Variants in CHRND observed in about 807,000 individuals in gnomAD.
CHRND encodes acetylcholine receptor subunit delta.
CHRND carries 40 observed loss-of-function variants against 57.8 expected under a neutral mutation model. The observed-to-expected ratio is 0.69, with a 90% CI of 0.54 to 0.90. The LOEUF is 0.90. Among genes scored for constraint, CHRND ranks in the 40% least tolerant of loss-of-function variants. The pLI is 0.00. For synonymous variants in CHRND, 237 were observed against 270.6 expected (o/e 0.88, Z 1.22); for missense variants, 634 against 673.9 (o/e 0.94, Z 0.66).
At chr2:232,535,090 G>T (rs546759059) in intron 11 of CHRND, 40 bp from the exon 12 acceptor site, 3 of 1,610,924 alleles carry the variant, frequency 1.9e-6, no homozygotes, top group African/African-American at 2.7e-5. Context: ...TTTGTGGCCT[G>T]AGGCCCTTCT....
chr2:232,530,488 C>G (rs1425442778), intron 7 of CHRND, among the ~76,000 whole-genome samples: 1 of 152,234 alleles, frequency 6.6e-6, no homozygotes, highest in East Asian at 1.9e-4. Context: ...ACTGTTGAAC[C>G]AGTGGGTGAA....
chr2:232,526,373 T>C (rs1691464698), intron 1 of CHRND, 106 bp downstream of exon 1: 1 of 1,515,946 alleles, frequency 6.6e-7, no homozygotes, highest in Non-Finnish European at 9.0e-7. Context: ...CATCTCTCCC[T>C]GTGGGGGGCC....
chr2:232,526,703 AG>A (rs1691484749), intron 2 of CHRND, 29 bp downstream of exon 2: 1 of 1,541,386 alleles, frequency 6.5e-7, no homozygotes, highest in African/African-American at 1.4e-5. Flanking sequence ...CTGGGTTGGG[AG>A]GGAGGGCAGG....
Position 232,535,461 on chromosome 2 carries a change from A to G in CHRND, c.*149A>G, listed in dbSNP as rs114315112. On this transcript the variant is annotated 3_prime_UTR_variant, in exon 12 of 12. Transcript: ENST00000258385. ...GGGAGCAGCCACTCCTCAATGCTCA[A>G]TGGCTCCCCTGAAATCAAGACAGGG... 0.016 allele frequency: 15,342 copies of G among 957,258 alleles called. 173 individuals are homozygous for G. The highest frequency in any genetic ancestry group is 0.02 in the Non-Finnish European group (12,557 of 618,870). 59.3% of individuals were successfully genotyped at this position (957,258 alleles called of 1,614,324 possible).
intron 5 of CHRND, 59 bp downstream of exon 5, chr2:232,528,715 G>A (rs536676297): frequency 1.2e-6 from 2 of 1,611,820 alleles, no homozygotes; most frequent in Non-Finnish European, 8.5e-7. Flanking sequence ...GGCCAAAGAA[G>A]GTGACTGAAG....
rs2106208570 is a variant in CHRND, at chr2:232,528,551, A to G, written c.404A>G (p.His135Arg). The change falls in exon 5 of 12, where the codon CAC (histidine) becomes CGC (arginine). Residue 135 changes from histidine (H) to arginine (R), a missense_variant. Physicochemically the swap from His to Arg is conservative, Grantham distance 29. Transcript: ENST00000258385. ...TACTCCTGCAACGTGCTTGTCTACC[A>G]CTACGGCTTCGTGTACTGGCTGCCA... ...ISYSCNVLVY[H>R]YGFVYWLPPA... is the part of the protein sequence containing the mutation. 6.2e-7 allele frequency: 1 copy of G among 1,613,930 alleles called. No individual in the cohort carries two copies. The highest frequency in any genetic ancestry group is 8.5e-7 in the Non-Finnish European group (1 of 1,179,984).
Position 232,534,204 on chromosome 2 carries a change from C to G in CHRND, c.1253-20C>G. On this transcript the variant is annotated intron_variant, in intron 10 of 11. Coordinates refer to ENST00000258385, the MANE Select transcript of CHRND (RefSeq NM_000751.3). Reference sequence around the variant, plus strand: ...TGGGTGGAGGCAGGCCTCACACCCACTCTGGCCCCTCGTCTGTAGGCCGGC... The same window carrying G: ...TGGGTGGAGGCAGGCCTCACACCCAGTCTGGCCCCTCGTCTGTAGGCCGGC... 1 of 1,614,140 alleles carries G rather than the reference C, an allele frequency of 6.2e-7. No homozygotes were observed. Among genetic ancestry groups the G allele is most frequent in the Middle Eastern group, 1.7e-4 (1 of 6,054 alleles).
intron 3 of CHRND, among the ~76,000 whole-genome samples, 163 bp downstream of exon 3, chr2:232,527,608 G>T (rs923715260): frequency 2.0e-5 from 3 of 152,142 alleles, no homozygotes; most frequent in African/African-American, 7.2e-5. Context: ...GCTTGGTGTG[G>T]TGGTGGGTAC....
Position 232,526,639 on chromosome 2 carries a change from G to A in CHRND, c.163G>A (p.Ala55Thr). 1 of 1,613,660 alleles carries A rather than the reference G, an allele frequency of 6.2e-7. No homozygotes were observed. Among genetic ancestry groups the A allele is most frequent in the Admixed American group, 1.7e-5 (1 of 60,018 alleles). Residue 55 changes from alanine to threonine, a missense_variant, in exon 2 of 12, where the codon GCC becomes ACC. Transcript: ENST00000258385. ...ACACAAAGAGGAGAGTGTGGACGTT[G>A]CCCTGGCCCTCACACTCTCCAACCT... ...VAHKEESVDV[A>T]LALTLSNLIS...
intron 2 of CHRND, 89 bp from the exon 3 acceptor site, chr2:232,527,312 G>A (rs4973538): frequency 0.055 from 23,386 of 428,850 alleles, 260 homozygotes; most frequent in East Asian, 0.19. Context: ...GAAAAAAAAA[G>A]AGAGAGAGAG....
chr2:232,534,917 G>A (rs926332631), intron 11 of CHRND, among the ~76,000 whole-genome samples: 7 of 152,228 alleles, frequency 4.6e-5, no homozygotes, highest in Admixed American at 2.6e-4. Context: ...GCTATGGTCT[G>A]TTCCCGCCTC....
chr2:232,532,633 G>GT (rs1691748552), intron 9 of CHRND, among the ~76,000 whole-genome samples: 1 of 152,224 alleles, frequency 6.6e-6, no homozygotes, highest in African/African-American at 2.4e-5. Context: ...TCCTGGCACA[G>GT]TGTTCCGTGA....
chr2:232,534,385 G>A, intron 11 of CHRND, 43 bp downstream of exon 11: 1 of 1,571,790 alleles, frequency 6.4e-7, no homozygotes, highest in African/African-American at 1.3e-5. Context: ...TTCAAGTAGG[G>A]CACTGATTAA....
Position 232,535,542 on chromosome 2 carries a change from T to C in CHRND, c.*230T>C. 1 of 699,026 alleles carries C rather than the reference T, an allele frequency of 1.4e-6. No individual in the cohort carries two copies. The highest frequency in any genetic ancestry group is 1.5e-5 in the South Asian group (1 of 66,810). The allele number at this position is 699,026 out of a possible 1,614,324, so 43.3% of individuals were successfully genotyped here. On this transcript the variant is annotated 3_prime_UTR_variant, in exon 12 of 12. Transcript: ENST00000258385. ...GGCTACAGTGGGTGGGCAGGACGAT[T>C]TGGGGGGAGGCCCGAGGCTGGCTCA...
chr2:232,535,457 C>A lies in CHRND; in HGVS notation c.*145C>A. The A allele has an allele frequency of 1.0e-6, 1 of 974,030 alleles. No homozygotes were observed. Among genetic ancestry groups the A allele is most frequent in the Non-Finnish European group, 1.6e-6 (1 of 633,600 alleles). The allele number at this position is 974,030 out of a possible 1,614,324, so 60.3% of individuals were successfully genotyped here. A position where few individuals can be genotyped will look rare whatever the true frequency, so the allele number is the denominator to read the frequency against. On this transcript the variant is annotated 3_prime_UTR_variant, in exon 12 of 12. Coordinates refer to ENST00000258385, the MANE Select transcript of CHRND (RefSeq NM_000751.3). ...GGGAGGGAGCAGCCACTCCTCAATG[C>A]TCAATGGCTCCCCTGAAATCAAGAC...
At chr2:232,534,733 C>T (rs1691824396) in intron 11 of CHRND, among the ~76,000 whole-genome samples, 1 of 152,218 alleles carries the variant, frequency 6.6e-6, no homozygotes, top group South Asian at 2.1e-4. Flanking sequence ...TAAAAACTAT[C>T]TCTTGAGAAA....
intron 9 of CHRND, among the ~76,000 whole-genome samples, chr2:232,532,553 T>C (rs905314595): frequency 6.6e-6 from 1 of 150,772 alleles, no homozygotes; most frequent in Non-Finnish European, 1.5e-5. Flanking sequence ...ACTGGACATA[T>C]ACTCCCACGG....
intron 9 of CHRND, among the ~76,000 whole-genome samples, chr2:232,532,404 G>T (rs1405494558): frequency 6.8e-6 from 1 of 147,550 alleles, no homozygotes; most frequent in Non-Finnish European, 1.5e-5. Context: ...GGAGGTGGAG[G>T]TTGCAGTGAG....
intron 3 of CHRND, 75 bp downstream of exon 3, chr2:232,527,520 G>A: frequency 9.3e-7 from 1 of 1,072,168 alleles, no homozygotes. Flanking sequence ...CGAGGGGGGT[G>A]GATCACGAGG....
Sources: allele counts gnomAD v4.1 joint callset (sites outside exome capture counted in the v4.1 genomes callset), GRCh38; gene constraint gnomAD v4.1.1; transcripts MANE v1.5; gene names NCBI Gene and HGNC (gene_info 2026-07-23, HGNC 2026-07-21).